The following LOC400499 variants were observed in gnomAD, a reference collection of about 807,000 sequenced individuals.
the LOC400499 span, chr16:11,384,150 G>A: frequency 8.2e-7 from 1 of 1,213,438 alleles, no homozygotes; most frequent in Non-Finnish European, 1.0e-6. Context: ...CCTCTCCCGG[G>A]ACTCTGCAGT....
the LOC400499 span, among the ~76,000 whole-genome samples, chr16:11,424,724 C>T: frequency 6.6e-6 from 1 of 152,084 alleles, no homozygotes; most frequent in Non-Finnish European, 1.5e-5. Context: ...CCCCTCCAGG[C>T]CTGGAGGTAA....
the LOC400499 span, among the ~76,000 whole-genome samples, chr16:11,466,791 G>A: frequency 6.6e-6 from 1 of 152,134 alleles, no homozygotes; most frequent in African/African-American, 2.4e-5. Context: ...TAAATGTATT[G>A]CCTATTTAAT....
At chr16:11,478,646 C>T in the LOC400499 span, 92 of 399,190 alleles carry the variant, frequency 2.3e-4, no homozygotes, top group African/African-American at 1.6e-3. Flanking sequence ...ACGCTCAGCT[C>T]GCATCGCAGA....
chr16:11,435,139 C>T, the LOC400499 span, among the ~76,000 whole-genome samples: 1 of 152,048 alleles, frequency 6.6e-6, no homozygotes, highest in East Asian at 1.9e-4. Context: ...GCCACCACAT[C>T]TGGCTATTTT....
At chr16:11,384,202 G>C in the LOC400499 span, 4 of 1,229,488 alleles carry the variant, frequency 3.3e-6, no homozygotes, top group South Asian at 1.2e-4. Flanking sequence ...GGACAGGCAG[G>C]TGCACCCGCT....
the LOC400499 span, chr16:11,494,452 G>A: frequency 5.1e-6 from 2 of 393,012 alleles, no homozygotes; most frequent in Non-Finnish European, 8.9e-6. Flanking sequence ...GGGGGAATGA[G>A]GGATAGGAGG....
the LOC400499 span, chr16:11,477,949 A>T: frequency 2.5e-6 from 1 of 398,870 alleles, no homozygotes; most frequent in South Asian, 1.3e-4. Context: ...ACACGGTGGG[A>T]AAGACCAGTT....
the LOC400499 span, chr16:11,501,076 C>G: frequency 2.5e-6 from 1 of 393,162 alleles, no homozygotes; most frequent in African/African-American, 2.1e-5. Context: ...GCAGACATGC[C>G]CACCCTCACA....
At chr16:11,390,393 C>G in the LOC400499 span, 1 of 1,240,572 alleles carries the variant, frequency 8.1e-7, no homozygotes, top group Non-Finnish European at 1.0e-6. Context: ...CCTCTGCTCG[C>G]TCCCGCCACA....
the LOC400499 span, among the ~76,000 whole-genome samples, chr16:11,522,455 C>T: frequency 6.6e-6 from 1 of 152,130 alleles, no homozygotes; most frequent in Admixed American, 6.5e-5. Flanking sequence ...AATTTACCAG[C>T]ATCCCTGACC....
the LOC400499 span, among the ~76,000 whole-genome samples, chr16:11,473,798 C>A: frequency 1.3e-5 from 2 of 151,926 alleles, no homozygotes; most frequent in African/African-American, 4.8e-5. Context: ...AACTTACCAA[C>A]CCAGGAGCCA....
At chr16:11,421,145 C>A in the LOC400499 span, among the ~76,000 whole-genome samples, 3 of 152,144 alleles carry the variant, frequency 2.0e-5, no homozygotes, top group Non-Finnish European at 4.4e-5. Flanking sequence ...CAGGGCAGAT[C>A]CAGAGACTCA....
At chr16:11,408,046 G>A in the LOC400499 span, among the ~76,000 whole-genome samples, 4 of 129,742 alleles carry the variant, frequency 3.1e-5, no homozygotes, top group Admixed American at 2.9e-4. Context: ...GCAGTGGCAC[G>A]ATCTCGGCTC....
the LOC400499 span, chr16:11,435,786 C>T: frequency 5.0e-6 from 2 of 399,458 alleles, no homozygotes; most frequent in African/African-American, 2.1e-5. Flanking sequence ...TGGCTGGCGT[C>T]GACCTCCAGC....
At chr16:11,424,748 C>T in the LOC400499 span, among the ~76,000 whole-genome samples, 1 of 152,130 alleles carries the variant, frequency 6.6e-6, no homozygotes, top group Non-Finnish European at 1.5e-5. Flanking sequence ...CTGAGAAGCT[C>T]GAGCAGGGGC....
chr16:11,494,822 C>T, the LOC400499 span: 7 of 397,090 alleles, frequency 1.8e-5, no homozygotes, highest in East Asian at 2.5e-4. Flanking sequence ...AGGCCTCACC[C>T]TGGCCACACA....
chr16:11,503,387 G>A, the LOC400499 span, among the ~76,000 whole-genome samples: 1 of 152,080 alleles, frequency 6.6e-6, no homozygotes, highest in Non-Finnish European at 1.5e-5. Context: ...CTTCCCTCCT[G>A]GTACCCCTGA....
At chr16:11,447,034 G>C in the LOC400499 span, 5 of 1,170,974 alleles carry the variant, frequency 4.3e-6, no homozygotes, top group Non-Finnish European at 5.8e-6. Context: ...CTCTGCCACA[G>C]AGAAGAGAAC....
At chr16:11,447,223 C>A in the LOC400499 span, among the ~76,000 whole-genome samples, 21 of 152,294 alleles carry the variant, frequency 1.4e-4, no homozygotes, top group African/African-American at 5.1e-4. Flanking sequence ...AATCCAGGCA[C>A]GGTCTTTCAC....
Sources: allele counts gnomAD v4.1 joint callset (sites outside exome capture counted in the v4.1 genomes callset), GRCh38; gene constraint gnomAD v4.1.1; transcripts MANE v1.5.